CDC73: variants seen among roughly 807,000 people sequenced by gnomAD.
The protein encoded by CDC73 is cell division cycle 73, also known as parafibromin.
A neutral mutation model predicts 83.7 loss-of-function variants in CDC73; 21 were observed. That is an observed-to-expected ratio of 0.25 (90% CI 0.18 to 0.36). CDC73 has a LOEUF of 0.36. CDC73 is among the 10% of genes least tolerant of loss of function. The pLI is 1.00. For synonymous variants in CDC73, 224 were observed against 212.9 expected (o/e 1.05, Z -0.45); for missense variants, 342 against 653.3 (o/e 0.52, Z 5.19).
rs752004076 is a variant in CDC73, at chr1:193,122,287, G to C, written c.87G>C (p.Glu29Asp). ...AGGGAGACGAAGTGATCTTCGGGGAGTTCTCCTGGCCCAAGAATGTGAAGA... is the reference window on the plus strand; with the variant it reads ...AGGGAGACGAAGTGATCTTCGGGGACTTCTCCTGGCCCAAGAATGTGAAGA... ...VVKGDEVIFG[E>D]FSWPKNVKTN... The change falls in exon 1 of 17, where the codon GAG (glutamate) becomes GAC (aspartate). Residue 29 changes from glutamate (E) to aspartate (D), a missense_variant. Around this residue, in one of 3 missense-constraint regions of CDC73, gnomAD observed 99 missense variants for 174.5 expected, o/e 0.57. Coordinates refer to ENST00000367435, the MANE Select transcript of CDC73 (RefSeq NM_024529.5). 1 of 1,614,190 alleles carries C rather than the reference G, an allele frequency of 6.2e-7. No individual in the cohort carries two copies. The highest frequency in any genetic ancestry group is 8.5e-7 in the Non-Finnish European group (1 of 1,180,000).
chr1:193,124,682 G>A (rs1405687672), intron 1 of CDC73, among the ~76,000 whole-genome samples: 2 of 152,198 alleles, frequency 1.3e-5, no homozygotes, highest in Non-Finnish European at 2.9e-5. Flanking sequence ...AGAATGTGAA[G>A]GATGTTGTTC....
Position 193,251,834 on chromosome 1 carries a change from A to T in CDC73, c.*1122A>T, listed in dbSNP as rs1007893664. The T allele has an allele frequency of 4.3e-6, 1 of 230,480 alleles. No homozygotes were observed. The highest frequency in any genetic ancestry group is 5.7e-5 in the Admixed American group (1 of 17,568). The allele number at this position is 230,480 out of a possible 1,614,324, so 14.3% of individuals were successfully genotyped here. On this transcript the variant is annotated 3_prime_UTR_variant, in exon 17 of 17. Transcript: ENST00000367435. The stretch of plus-strand genomic sequence containing the variant: ...AAGTGACCATTTGCCTTGAACCTTG[A>T]TTTCACTTTGTTTTTTTTTTTTCCT...
chr1:193,216,724 G>A (rs1375857100), intron 13 of CDC73, among the ~76,000 whole-genome samples: 1 of 152,026 alleles, frequency 6.6e-6, no homozygotes, highest in African/African-American at 2.4e-5. Flanking sequence ...GAATCCAGCA[G>A]CACATCAAAA....
At chr1:193,196,513 A>C (rs894418941) in intron 10 of CDC73, among the ~76,000 whole-genome samples, 1 of 152,184 alleles carries the variant, frequency 6.6e-6, no homozygotes, top group Non-Finnish European at 1.5e-5. Flanking sequence ...TTCTGCAAAA[A>C]TGTTGAGTTT....
At chr1:193,138,227 A>G (rs1292425367) in intron 6 of CDC73, 54 bp downstream of exon 6, 2 of 1,139,814 alleles carry the variant, frequency 1.8e-6, no homozygotes, top group Non-Finnish European at 2.7e-6. Flanking sequence ...GTAAAAGTAT[A>G]AGGAAAAGGA....
At chr1:193,138,800 A>T (rs1029630315) in intron 6 of CDC73, among the ~76,000 whole-genome samples, 1 of 101,414 alleles carries the variant, frequency 9.9e-6, no homozygotes, top group Non-Finnish European at 2.0e-5. Context: ...TTGGAGACGG[A>T]GTTTCACTTT....
At chr1:193,220,269 C>G (rs1003365930) in intron 13 of CDC73, among the ~76,000 whole-genome samples, 1 of 147,508 alleles carries the variant, frequency 6.8e-6, no homozygotes, top group East Asian at 2.0e-4. Context: ...CGGGTTCAAG[C>G]GATTCTCCTT....
rs188628147 is a variant in CDC73 at position 193,207,168 on chromosome 1, A to G, written c.1030+3316A>G. On this transcript the variant is annotated intron_variant, in intron 11 of 16. Transcript: ENST00000367435. ...TGTCCCCTGAGCCACAAAGCCAGCA[A>G]GTTTTTATTAGGGATTTTAAAAAGG... Among the ~76,000 whole-genome samples the G allele has an allele frequency of 1.1e-3, 171 of 152,318 alleles. 1 individual carries two copies. Among genetic ancestry groups the G allele is most frequent in the African/African-American group, 3.8e-3 (158 of 41,560 alleles).
chr1:193,176,774 T>A (rs756173465), intron 10 of CDC73, among the ~76,000 whole-genome samples: 8 of 152,206 alleles, frequency 5.3e-5, no homozygotes, highest in Non-Finnish European at 1.0e-4. Flanking sequence ...TACCTTCTCA[T>A]GACAAAATGG....
At chr1:193,130,981 T>A (rs1293447608) in intron 3 of CDC73, among the ~76,000 whole-genome samples, 1 of 151,674 alleles carries the variant, frequency 6.6e-6, no homozygotes, top group Non-Finnish European at 1.5e-5. Flanking sequence ...AGACTTGATC[T>A]TTTTTTTTAT....
At position 193,230,091 on chromosome 1, in the gene CDC73, G is replaced by A. The variant is rs142733870; in HGVS notation, c.1155-2902G>A. Among the ~76,000 whole-genome samples, 33 of 151,514 alleles carry A rather than the reference G, an allele frequency of 2.2e-4. No individual in the cohort carries two copies. The East Asian group carries it at 4.8e-3, about 22-fold the overall frequency. ...AAATACACTAAAATGAAGCAGTGGA[G>A]TGCAGATTTGATGTTTGAATTCTTC... is the stretch of plus-strand genomic sequence containing the variant. On this transcript the variant is annotated intron_variant, in intron 13 of 16. Coordinates refer to ENST00000367435, the MANE Select transcript of CDC73 (RefSeq NM_024529.5).
rs1675466806 is a variant in CDC73, at chr1:193,122,339, C to A, written c.131+8C>A. Reference sequence around the variant, plus strand: ...CAACTATGTTGTTTGGGGGTAAGTCCGGCATGGCTGTGGCCCAGGGGTGGC... The same window carrying A: ...CAACTATGTTGTTTGGGGGTAAGTCAGGCATGGCTGTGGCCCAGGGGTGGC... On this transcript the variant is annotated splice_region_variant and intron_variant, in intron 1 of 16. Transcript: ENST00000367435. The A allele has an allele frequency of 6.2e-7, 1 of 1,613,948 alleles. No homozygotes were observed. Among genetic ancestry groups the A allele is most frequent in the African/African-American group, 1.3e-5 (1 of 75,042 alleles).
At chr1:193,174,670 TC>T (rs2103152404) in intron 10 of CDC73, among the ~76,000 whole-genome samples, 1 of 152,304 alleles carries the variant, frequency 6.6e-6, no homozygotes, top group East Asian at 1.9e-4. Flanking sequence ...CGAATCAGAT[TC>T]TTTATACAGT....
intron 13 of CDC73, among the ~76,000 whole-genome samples, chr1:193,231,147 T>G (rs1324703693): frequency 6.6e-6 from 1 of 152,170 alleles, no homozygotes; most frequent in Non-Finnish European, 1.5e-5. Context: ...TGCATTCTAG[T>G]CATATGATTA....
chr1:193,234,216 CACACAT>C (rs1184741804), intron 14 of CDC73, among the ~76,000 whole-genome samples: 76 of 23,222 alleles, frequency 3.3e-3, no homozygotes, highest in Non-Finnish European at 6.0e-3. Context: ...CACACACACA[CACACAT>C]ATATATATTT....
At chr1:193,200,009 T>C (rs1193993322) in intron 10 of CDC73, among the ~76,000 whole-genome samples, 1 of 151,332 alleles carries the variant, frequency 6.6e-6, no homozygotes, top group African/African-American at 2.4e-5. Context: ...TTTGGGAGAC[T>C]TGAGCTCAGG....
intron 13 of CDC73, among the ~76,000 whole-genome samples, chr1:193,226,608 T>C (rs772488344): frequency 2.0e-5 from 3 of 152,234 alleles, no homozygotes; most frequent in Non-Finnish European, 4.4e-5. Context: ...TCTGTTTATG[T>C]AGTGTATCAC....
intron 10 of CDC73, among the ~76,000 whole-genome samples, chr1:193,175,126 G>A (rs1047269424): frequency 6.6e-6 from 1 of 152,170 alleles, no homozygotes; most frequent in Non-Finnish European, 1.5e-5. Flanking sequence ...AGCTGGCCAA[G>A]GGTTTTAGGG....
At chr1:193,129,375 G>A (rs1190149975) in intron 2 of CDC73, among the ~76,000 whole-genome samples, 2 of 150,366 alleles carry the variant, frequency 1.3e-5, no homozygotes, top group African/African-American at 2.5e-5. Context: ...CAAGGGATGC[G>A]CCCGCCTTGG....
Sources: gnomAD v4.1 joint callset for allele counts (sites outside exome capture counted in the v4.1 genomes callset) on GRCh38, gnomAD v4.1.1 for gene constraint, gnomAD v4.1.1 regional missense constraint, MANE v1.5 for transcripts, NCBI Gene and HGNC (gene_info 2026-07-23, HGNC 2026-07-21) for gene names.